The following LHFPL6 variants were observed in gnomAD, a reference collection of about 807,000 sequenced individuals.
The protein encoded by LHFPL6 is LHFPL tetraspan subfamily member 6 protein.
LHFPL6 carries 9 observed loss-of-function variants against 20.6 expected under a neutral mutation model. The ratio of observed to expected loss-of-function variants is 0.44; its 90% CI spans 0.26 to 0.76. The LOEUF (loss-of-function observed/expected upper bound fraction) is 0.76. Ranked by LOEUF, LHFPL6 falls within the 30% of genes least tolerant of loss-of-function variation. The pLI, the probability that LHFPL6 is intolerant of heterozygous loss-of-function variation, is 0.20. For synonymous variants in LHFPL6, 105 were observed against 98.7 expected (o/e 1.06, Z -0.38); for missense variants, 218 against 253.5 (o/e 0.86, Z 0.95).
chr13:39,362,541 G>C (rs1472986525), intron 3 of LHFPL6, among the ~76,000 whole-genome samples: 1 of 152,228 alleles, frequency 6.6e-6, no homozygotes, highest in Non-Finnish European at 1.5e-5. Context: ...ACTCTTGTAA[G>C]TTTAAGGAGC....
intron 2 of LHFPL6, among the ~76,000 whole-genome samples, chr13:39,492,908 G>A (rs1392882740): frequency 2.0e-5 from 3 of 151,910 alleles, no homozygotes; most frequent in South Asian, 2.1e-4. Context: ...TTGAATTCCC[G>A]ACCTCAGGTG....
At chr13:39,573,150 A>G (rs1871988245) in intron 2 of LHFPL6, among the ~76,000 whole-genome samples, 2 of 152,188 alleles carry the variant, frequency 1.3e-5, no homozygotes, top group Admixed American at 1.3e-4. Context: ...ATACAACAGT[A>G]TTTTAGGTAC....
chr13:39,424,903 T>C (rs1871597820), intron 2 of LHFPL6, among the ~76,000 whole-genome samples: 1 of 152,198 alleles, frequency 6.6e-6, no homozygotes, highest in Admixed American at 6.5e-5. Context: ...GTTTTAGACA[T>C]TTTCATTAGG....
intron 2 of LHFPL6, among the ~76,000 whole-genome samples, chr13:39,536,814 T>G (rs1361070266): frequency 1.3e-5 from 2 of 152,222 alleles, no homozygotes; most frequent in African/African-American, 4.8e-5. Flanking sequence ...GATTTACCTC[T>G]TGTCTACTTA....
chr13:39,522,245 T>C (rs1870131745), intron 2 of LHFPL6, among the ~76,000 whole-genome samples: 1 of 152,262 alleles, frequency 6.6e-6, no homozygotes, highest in African/African-American at 2.4e-5. Context: ...AGGCAGTTGA[T>C]ATTTTAACTT....
At chr13:39,491,148 G>T (rs192287039) in intron 2 of LHFPL6, among the ~76,000 whole-genome samples, 29 of 152,270 alleles carry the variant, frequency 1.9e-4, no homozygotes, top group South Asian at 6.2e-4. Flanking sequence ...AGAAGTACAA[G>T]GCAAAATGTG....
chr13:39,551,144 T>C (rs1234225516), intron 2 of LHFPL6, among the ~76,000 whole-genome samples: 1 of 152,140 alleles, frequency 6.6e-6, no homozygotes, highest in African/African-American at 2.4e-5. Flanking sequence ...CCATTTTCTG[T>C]TGCTCTAGCA....
chr13:39,469,945 T>C (rs1055845109), intron 2 of LHFPL6, among the ~76,000 whole-genome samples: 2 of 152,136 alleles, frequency 1.3e-5, no homozygotes, highest in African/African-American at 4.8e-5. Context: ...GGCAAAGCAC[T>C]AGAGGGCTGA....
intron 3 of LHFPL6, among the ~76,000 whole-genome samples, chr13:39,377,271 C>T (rs1348580987): frequency 3.3e-5 from 5 of 152,282 alleles, no homozygotes; most frequent in South Asian, 4.1e-4. Context: ...TACGAAGGGT[C>T]CTATGTCATG....
intron 2 of LHFPL6, among the ~76,000 whole-genome samples, chr13:39,526,880 C>T (rs1264362920): frequency 6.6e-6 from 1 of 152,120 alleles, no homozygotes; most frequent in African/African-American, 2.4e-5. Context: ...TTCTGAATAC[C>T]CTCAAGAATC....
chr13:39,429,432 C>T (rs1210209986), intron 2 of LHFPL6, among the ~76,000 whole-genome samples: 3 of 152,110 alleles, frequency 2.0e-5, no homozygotes, highest in Non-Finnish European at 2.9e-5. Flanking sequence ...CCAGCCTTCT[C>T]TTGATTAGTG....
At chr13:39,422,387 T>A (rs1042053339) in intron 2 of LHFPL6, among the ~76,000 whole-genome samples, 1 of 151,952 alleles carries the variant, frequency 6.6e-6, no homozygotes. Context: ...GAGTTTGAGA[T>A]CAGCCTGACC....
At chr13:39,412,938 A>AGG (rs1566105705) in intron 2 of LHFPL6, among the ~76,000 whole-genome samples, 8 of 151,364 alleles carry the variant, frequency 5.3e-5, no homozygotes, top group Admixed American at 3.9e-4. Context: ...AAAAAAAAGA[A>AGG]AAAAATTGTA....
rs370892940 is a variant in LHFPL6, at chr13:39,512,621, G to T, written c.385+88211C>A. Among the ~76,000 whole-genome samples, 238 of 126,216 alleles carry T rather than the reference G, an allele frequency of 1.9e-3. 2 individuals are homozygous for T. Among genetic ancestry groups the T allele is most frequent in the African/African-American group, 7.2e-3 (218 of 30,352 alleles). 82.8% of individuals were successfully genotyped at this position (126,216 alleles called of 152,430 possible). ...CGTCTCAAAAAAAAAAAAAAGAAAA[G>T]AAAAAGAAATCAGACCAAATTTCTC... is the stretch of plus-strand genomic sequence containing the variant. On this transcript the variant is annotated intron_variant, in intron 2 of 3. Coordinates refer to ENST00000379589, the MANE Select transcript of LHFPL6 (RefSeq NM_005780.3).
At chr13:39,596,044 T>C (rs1469903464) in intron 2 of LHFPL6, among the ~76,000 whole-genome samples, 1 of 152,206 alleles carries the variant, frequency 6.6e-6, no homozygotes, top group East Asian at 1.9e-4. Flanking sequence ...TAAGGTCTTA[T>C]TTTGAATACT....
At chr13:39,564,755 T>C (rs1593365782) in intron 2 of LHFPL6, among the ~76,000 whole-genome samples, 1 of 152,212 alleles carries the variant, frequency 6.6e-6, no homozygotes, top group African/African-American at 2.4e-5. Context: ...TAGCCTTTTA[T>C]GTAAAAGGGT....
At chr13:39,489,801 C>T (rs996663624) in intron 2 of LHFPL6, among the ~76,000 whole-genome samples, 5 of 152,106 alleles carry the variant, frequency 3.3e-5, no homozygotes, top group Admixed American at 6.5e-5. Context: ...GTGATCCATC[C>T]GCCTCAGCCT....
At chr13:39,479,929 T>C (rs1428755535) in intron 2 of LHFPL6, among the ~76,000 whole-genome samples, 1 of 152,194 alleles carries the variant, frequency 6.6e-6, no homozygotes, top group Non-Finnish European at 1.5e-5. Context: ...AAGAAACCAG[T>C]AACCTGAGTC....
At chr13:39,437,230 C>T (rs1168564220) in intron 2 of LHFPL6, among the ~76,000 whole-genome samples, 10 of 152,096 alleles carry the variant, frequency 6.6e-5, no homozygotes, top group African/African-American at 2.4e-4. Flanking sequence ...GGATCTGACT[C>T]CCTACCCAAA....
Sources: allele counts gnomAD v4.1 joint callset (sites outside exome capture counted in the v4.1 genomes callset), GRCh38; gene constraint gnomAD v4.1.1; transcripts MANE v1.5; gene names NCBI Gene and HGNC (gene_info 2026-07-23, HGNC 2026-07-21).